The following PPFIBP1 variants were observed in gnomAD, a reference collection of about 807,000 sequenced individuals.
PPFIBP1 encodes PPFIB scaffold protein 1.
Under a neutral mutation model 137.8 loss-of-function variants are expected in PPFIBP1, and 112 were observed. That is an observed-to-expected ratio of 0.81 (90% CI 0.70 to 0.95). The LOEUF is 0.95. Among genes scored for constraint, PPFIBP1 ranks in the 40% least tolerant of loss-of-function variants. PPFIBP1 has a pLI of 0.00. For synonymous variants in PPFIBP1, 378 were observed against 417.3 expected (o/e 0.91, Z 1.15); for missense variants, 1,083 against 1,196.6 (o/e 0.91, Z 1.40).
At chr12:27,619,874 A>G (rs1340599570) in intron 2 of PPFIBP1, among the ~76,000 whole-genome samples, 3 of 152,010 alleles carry the variant, frequency 2.0e-5, no homozygotes, top group Non-Finnish European at 4.4e-5. Context: ...ATAGTAATAT[A>G]CATTTTGTAT....
At chr12:27,532,191 C>A (rs1944491952) in intron 1 of PPFIBP1, among the ~76,000 whole-genome samples, 1 of 152,168 alleles carries the variant, frequency 6.6e-6, no homozygotes, top group Admixed American at 6.5e-5. Context: ...GAAAGACAAA[C>A]AAAACATGAT....
intron 5 of PPFIBP1, 49 bp from the exon 6 acceptor site, chr12:27,647,679 TG>T: frequency 8.5e-7 from 1 of 1,173,524 alleles, no homozygotes; most frequent in Non-Finnish European, 1.2e-6. Context: ...ACGTATGCAG[TG>T]GGACCCAAAT....
At chr12:27,601,084 A>T (rs1434689505) in intron 2 of PPFIBP1, among the ~76,000 whole-genome samples, 1 of 152,098 alleles carries the variant, frequency 6.6e-6, no homozygotes, top group Admixed American at 6.5e-5. Context: ...GTCTAACTAA[A>T]ACTTTGTACC....
chr12:27,595,065 T>G (rs2053030460), intron 2 of PPFIBP1, among the ~76,000 whole-genome samples: 1 of 152,236 alleles, frequency 6.6e-6, no homozygotes, highest in African/African-American at 2.4e-5. Context: ...GTAGGATTAA[T>G]GGACCAAACA....
intron 7 of PPFIBP1, 142 bp from the exon 8 acceptor site, chr12:27,654,576 CATTT>C: frequency 1.0e-6 from 1 of 1,003,026 alleles, no homozygotes; most frequent in Non-Finnish European, 1.3e-6. Flanking sequence ...TAAGGAGGTA[CATTT>C]ATTTCCATTT....
At chr12:27,685,600 G>A (rs919111248) in intron 24 of PPFIBP1, among the ~76,000 whole-genome samples, 2 of 152,098 alleles carry the variant, frequency 1.3e-5, no homozygotes, top group Non-Finnish European at 2.9e-5. Context: ...CTATAAAAGA[G>A]TAAATGACCC....
chr12:27,594,645 T>A (rs910954872), intron 2 of PPFIBP1, among the ~76,000 whole-genome samples: 5 of 152,236 alleles, frequency 3.3e-5, no homozygotes, highest in Non-Finnish European at 5.9e-5. Flanking sequence ...TTTGTCCTAT[T>A]ACAGTTTTAA....
intron 4 of PPFIBP1, among the ~76,000 whole-genome samples, chr12:27,642,962 G>A (rs1200297824): frequency 1.3e-5 from 2 of 151,936 alleles, no homozygotes; most frequent in Non-Finnish European, 2.9e-5. Context: ...ATACTATTAC[G>A]CACTGAGGAA....
At chr12:27,573,710 CA>C (rs1334778613) in intron 1 of PPFIBP1, among the ~76,000 whole-genome samples, 1 of 152,158 alleles carries the variant, frequency 6.6e-6, no homozygotes, top group Non-Finnish European at 1.5e-5. Flanking sequence ...CCGGCGGGTG[CA>C]GTGGCCCATG....
intron 10 of PPFIBP1, 122 bp downstream of exon 10, chr12:27,658,970 C>A: frequency 1.1e-6 from 1 of 897,228 alleles, no homozygotes. Context: ...CATCAATAAG[C>A]CCTCCATTTC....
intron 13 of PPFIBP1, among the ~76,000 whole-genome samples, chr12:27,667,539 C>G (rs553030779): frequency 1.3e-5 from 2 of 152,354 alleles, no homozygotes; most frequent in Non-Finnish European, 2.9e-5. Context: ...TTGGAAGAAG[C>G]AACTGGAGAG....
intron 1 of PPFIBP1, among the ~76,000 whole-genome samples, chr12:27,543,581 A>G (rs1010173403): frequency 6.6e-6 from 1 of 152,198 alleles, no homozygotes; most frequent in African/African-American, 2.4e-5. Flanking sequence ...TATGATTTAT[A>G]CAAGTTTATA....
chr12:27,632,151 A>G (rs1246153966), intron 2 of PPFIBP1, among the ~76,000 whole-genome samples: 7 of 152,208 alleles, frequency 4.6e-5, no homozygotes, highest in Admixed American at 2.6e-4. Flanking sequence ...CTTAGGTGAA[A>G]TGACTTTAAA....
chr12:27,671,344 G>A (rs572060862), intron 13 of PPFIBP1, 87 bp from the exon 14 acceptor site: 12 of 722,174 alleles, frequency 1.7e-5, no homozygotes, highest in South Asian at 8.0e-5. Context: ...TCAATAGACC[G>A]TTTAATTTTC....
At chr12:27,682,187 A>T (rs2060915478) in intron 22 of PPFIBP1, among the ~76,000 whole-genome samples, 200 bp from the exon 23 acceptor site, 1 of 152,196 alleles carries the variant, frequency 6.6e-6, no homozygotes, top group Non-Finnish European at 1.5e-5. Flanking sequence ...AATGCCTAAC[A>T]CACCCCTAAG....
chr12:27,601,710 T>C (rs1352084090), intron 2 of PPFIBP1, among the ~76,000 whole-genome samples: 3 of 152,176 alleles, frequency 2.0e-5, no homozygotes, highest in Non-Finnish European at 4.4e-5. Flanking sequence ...TGAGTTGACA[T>C]AGTCCACAGT....
intron 2 of PPFIBP1, among the ~76,000 whole-genome samples, chr12:27,590,808 T>C (rs1244743097): frequency 1.3e-5 from 2 of 152,068 alleles, no homozygotes; most frequent in African/African-American, 2.4e-5. Flanking sequence ...AGTATAGATT[T>C]TAAAAAATAT....
intron 6 of PPFIBP1, 27 bp from the exon 7 acceptor site, chr12:27,649,983 T>C (rs2058777541): frequency 3.8e-6 from 6 of 1,586,160 alleles, no homozygotes; most frequent in Middle Eastern, 2.2e-4. Context: ...AAAAGACTTC[T>C]TGAATGTATC....
At chr12:27,570,598 A>G (rs1252654613) in intron 1 of PPFIBP1, among the ~76,000 whole-genome samples, 1 of 152,190 alleles carries the variant, frequency 6.6e-6, no homozygotes, top group Non-Finnish European at 1.5e-5. Flanking sequence ...ATGTTGTCAT[A>G]TGATAGCATA....
Sources: allele counts gnomAD v4.1 joint callset (sites outside exome capture counted in the v4.1 genomes callset), GRCh38; gene constraint gnomAD v4.1.1; transcripts MANE v1.5; gene names NCBI Gene and HGNC (gene_info 2026-07-23, HGNC 2026-07-21).